The following CRB1 variants were observed in gnomAD, a reference collection of about 807,000 sequenced individuals.
CRB1 encodes the protein protein crumbs homolog 1.
In CRB1, 83 loss-of-function variants were observed where a neutral mutation model predicts 120.0. The observed-to-expected ratio is 0.69, with a 90% CI of 0.58 to 0.83. The LOEUF (loss-of-function observed/expected upper bound fraction) is 0.83. CRB1 is among the 40% of genes least tolerant of loss of function. The pLI is 0.00. For missense variants in CRB1, 1,699 were observed against 1,687.6 expected (o/e 1.01, Z -0.12); for synonymous variants, 625 against 612.5 (o/e 1.02, Z -0.30).
chr1:197,218,602 A>G, the CRB1 span, among the ~76,000 whole-genome samples: 2 of 152,194 alleles, frequency 1.3e-5, no homozygotes, highest in African/African-American at 4.8e-5. Context: ...CATAACCCCA[A>G]GAGAAAAGGA....
At chr1:197,258,478 T>G in the CRB1 span, among the ~76,000 whole-genome samples, 1 of 152,324 alleles carries the variant, frequency 6.6e-6, no homozygotes, top group South Asian at 2.1e-4. Context: ...AATGTTCCAT[T>G]GATATTTCTG....
intron 2 of CRB1, among the ~76,000 whole-genome samples, chr1:197,338,682 G>C (rs114819011): frequency 0.015 from 2,261 of 152,236 alleles, 26 homozygotes; most frequent in Non-Finnish European, 0.023. Flanking sequence ...GGTTATTACA[G>C]TTTTGTCTAG....
intron 11 of CRB1, among the ~76,000 whole-genome samples, chr1:197,469,396 C>T (rs1666885457): frequency 6.6e-6 from 1 of 151,876 alleles, no homozygotes; most frequent in Non-Finnish European, 1.5e-5. Context: ...AGATGAATTA[C>T]CTAGGGAGAG....
At chr1:197,420,565 A>G (rs530008298) in intron 5 of CRB1, among the ~76,000 whole-genome samples, 1 of 152,310 alleles carries the variant, frequency 6.6e-6, no homozygotes, top group African/African-American at 2.4e-5. Flanking sequence ...AGGCAAAATC[A>G]CTGTTTCCAA....
In CRB1 at chr1:197,429,567, C is replaced by T. The variant is rs751958158; in HGVS notation, c.2795C>T (p.Pro932Leu). The change falls in exon 8 of 12, where the codon CCG becomes CTG. Residue 932 changes from proline to leucine, a missense_variant. Transcript: ENST00000367400. ...GAGGTTCAGTGGTGTGGATTCAGCC[C>T]GTGTCCTCACGGAGCCCAGTGCCAG... is the stretch of plus-strand genomic sequence containing the variant. Reference protein sequence around the residue: ...CEEVQWCGFSPCPHGAQCQPV... With the variant: ...CEEVQWCGFSLCPHGAQCQPV... The T allele has an allele frequency of 8.7e-6, 14 of 1,613,880 alleles. No individual in the cohort carries two copies. The highest frequency in any genetic ancestry group is 1.2e-5 in the Non-Finnish European group (14 of 1,179,916).
At chr1:197,344,537 C>G in intron 3 of CRB1, 61 bp downstream of exon 3, 2 of 1,503,234 alleles carry the variant, frequency 1.3e-6, no homozygotes, top group Non-Finnish European at 1.9e-6. Flanking sequence ...ACTATTTTAC[C>G]ACTCTGTTGA....
intron 2 of CRB1, among the ~76,000 whole-genome samples, chr1:197,342,097 A>G (rs1454985322): frequency 6.6e-6 from 1 of 152,194 alleles, no homozygotes; most frequent in African/African-American, 2.4e-5. Flanking sequence ...TGTATGGACC[A>G]TGCTTTTGGA....
In CRB1 at chr1:197,438,528, C is replaced by T; in HGVS notation, c.3750-19C>T. ...ATGAACAAGATGAACAGCTGTGGCTCTTGCTTTTATCTCTCTAGACAGAGC... is the reference window on the plus strand; with the variant it reads ...ATGAACAAGATGAACAGCTGTGGCTTTTGCTTTTATCTCTCTAGACAGAGC... On this transcript the variant is annotated intron_variant, in intron 9 of 11. Coordinates refer to ENST00000367400, the MANE Select transcript of CRB1 (RefSeq NM_201253.3). 1 of 1,611,250 alleles carries T rather than the reference C, an allele frequency of 6.2e-7. No homozygotes were observed. The highest frequency in any genetic ancestry group is 8.5e-7 in the Non-Finnish European group (1 of 1,177,968).
Position 197,434,700 on chromosome 1 carries a change from CATT to C in CRB1, c.2843-4_2843-2del. ...GTTATTGATTATTATCACCTTCTCT[CATT>C]AGGTATTGCAAATGCTGTTTTTAAT... is the stretch of plus-strand genomic sequence containing the variant. On this transcript the variant is annotated splice_polypyrimidine_tract_variant and splice_region_variant and intron_variant, in intron 8 of 11. Coordinates refer to ENST00000367400, the MANE Select transcript of CRB1 (RefSeq NM_201253.3). 1.2e-6 allele frequency: 2 copies of C among 1,609,352 alleles called. No homozygotes were observed. Among genetic ancestry groups the C allele is most frequent in the Non-Finnish European group, 1.7e-6 (2 of 1,176,142 alleles).
intron 1 of CRB1, among the ~76,000 whole-genome samples, chr1:197,314,842 T>G (rs1252297047): frequency 6.6e-6 from 1 of 152,144 alleles, no homozygotes; most frequent in Admixed American, 6.5e-5. Flanking sequence ...ACAGTTTTGT[T>G]TATCTCTCAA....
the CRB1 span, among the ~76,000 whole-genome samples, chr1:197,212,456 G>C: frequency 6.6e-6 from 1 of 152,066 alleles, no homozygotes; most frequent in Non-Finnish European, 1.5e-5. Context: ...AGAGCAAATT[G>C]ATGATAAAAG....
chr1:197,297,417 G>A (rs1362470490), intron 1 of CRB1, among the ~76,000 whole-genome samples: 2 of 152,040 alleles, frequency 1.3e-5, no homozygotes, highest in Admixed American at 1.3e-4. Context: ...TGAACCTGAG[G>A]ATTCTGGCTT....
At chr1:197,201,968 C>G in the CRB1 span, among the ~76,000 whole-genome samples, 3 of 152,120 alleles carry the variant, frequency 2.0e-5, no homozygotes, top group Admixed American at 2.0e-4. Context: ...ACAAGGACAA[C>G]TTTTGGAGCT....
At chr1:197,354,663 C>T (rs2125348585) in intron 4 of CRB1, among the ~76,000 whole-genome samples, 1 of 152,168 alleles carries the variant, frequency 6.6e-6, no homozygotes, top group East Asian at 1.9e-4. Context: ...GTGAGTGCTA[C>T]AGCTCATAAA....
chr1:197,241,768 A>G, the CRB1 span, among the ~76,000 whole-genome samples: 1 of 151,134 alleles, frequency 6.6e-6, no homozygotes, highest in East Asian at 1.9e-4. Flanking sequence ...CATTGAATCT[A>G]TGCATTGCTT....
At chr1:197,236,783 T>C in the CRB1 span, among the ~76,000 whole-genome samples, 1 of 152,218 alleles carries the variant, frequency 6.6e-6, no homozygotes, top group African/African-American at 2.4e-5. Flanking sequence ...TGATTTTTCT[T>C]CTATAAGCCT....
At chr1:197,443,196 C>G (rs1421198565) in intron 11 of CRB1, 2 of 150,820 alleles carry the variant, frequency 1.3e-5, no homozygotes, top group Admixed American at 1.3e-4. Context: ...TTACATGAAG[C>G]TATTCAAATG....
At chr1:197,255,199 T>C in the CRB1 span, among the ~76,000 whole-genome samples, 1 of 152,072 alleles carries the variant, frequency 6.6e-6, no homozygotes, top group Non-Finnish European at 1.5e-5. Flanking sequence ...CAAGGTGCAC[T>C]GCCCTACCCT....
At chr1:197,442,690 A>G (rs377473067) in intron 11 of CRB1, 1 of 506,032 alleles carries the variant, frequency 2.0e-6, no homozygotes, top group Non-Finnish European at 3.2e-6. Context: ...ATCATTCTCA[A>G]CACTTCTATA....
Sources: gnomAD v4.1 joint callset for allele counts (sites outside exome capture counted in the v4.1 genomes callset) on GRCh38, gnomAD v4.1.1 for gene constraint, MANE v1.5 for transcripts, NCBI Gene and HGNC (gene_info 2026-07-23, HGNC 2026-07-21) for gene names.